WRN: variants seen among roughly 807,000 people sequenced by gnomAD.
WRN encodes the protein WRN RecQ like helicase.
Under a neutral mutation model 180.7 loss-of-function variants are expected in WRN, and 149 were observed. That is an observed-to-expected ratio of 0.82 (90% CI 0.72 to 0.94). The LOEUF is 0.94. Among genes scored for constraint, WRN ranks in the 40% least tolerant of loss-of-function variants. The pLI is 0.00. For synonymous variants in WRN, 548 were observed against 568.9 expected, an observed-to-expected ratio of 0.96 and a Z score of 0.52; for missense variants, 1,661 against 1,700.1, an observed-to-expected ratio of 0.98 and a Z score of 0.40.
intron 30 of WRN, among the ~76,000 whole-genome samples, 174 bp from the exon 31 acceptor site, chr8:31,150,167 A>C (rs954840090): frequency 6.6e-6 from 1 of 152,240 alleles, no homozygotes; most frequent in African/African-American, 2.4e-5. Flanking sequence ...AAAGCAAAGA[A>C]AGAAATTATA....
At chr8:31,056,505 A>T (rs1812280064) in intron 1 of WRN, among the ~76,000 whole-genome samples, 1 of 152,196 alleles carries the variant, frequency 6.6e-6, no homozygotes. Flanking sequence ...CCAAGAGTTG[A>T]GTTGTACCCA....
intron 16 of WRN, among the ~76,000 whole-genome samples, chr8:31,094,992 TGCTGG>T (rs1402851997): frequency 2.0e-5 from 3 of 152,182 alleles, no homozygotes; most frequent in African/African-American, 7.2e-5. Flanking sequence ...AGAGTGGAAT[TGCTGG>T]GCTATATGCT....
intron 10 of WRN, among the ~76,000 whole-genome samples, chr8:31,084,775 T>A (rs1813459042): frequency 6.6e-6 from 1 of 152,220 alleles, no homozygotes; most frequent in African/African-American, 2.4e-5. Context: ...AATCAGTGGA[T>A]GTCAAAAACA....
In WRN at chr8:31,114,893, G is replaced by GATTTTTTTTTTTTTTTTTTTTT; in HGVS notation, c.2274-1461_2274-1460insATTTTTTTTTTTTTTTTTTTTT. Reference sequence around the variant, plus strand: ...CTTTGAAAACATGTTTTTAAAATAAGGTTTTTTTTTTTTTTTTTTTGACAT... The same window carrying GATTTTTTTTTTTTTTTTTTTTT: ...CTTTGAAAACATGTTTTTAAAATAAGATTTTTTTTTTTTTTTTTTTTTGTTTTTTTTTTTTTTTTTTTGACAT... On this transcript the variant is annotated intron_variant, in intron 19 of 34. Coordinates refer to ENST00000298139, the MANE Select transcript of WRN (RefSeq NM_000553.6). Among the ~76,000 whole-genome samples the GATTTTTTTTTTTTTTTTTTTTT allele has an allele frequency of 1.5e-5, 2 of 136,174 alleles. 1 individual carries two copies. Among genetic ancestry groups the GATTTTTTTTTTTTTTTTTTTTT allele is most frequent in the Non-Finnish European group, 3.2e-5 (2 of 63,470 alleles). 89.3% of individuals were successfully genotyped at this position (136,174 alleles called of 152,430 possible).
At chr8:31,076,950 T>TTA (rs1813116771) in intron 8 of WRN, among the ~76,000 whole-genome samples, 1 of 152,202 alleles carries the variant, frequency 6.6e-6, no homozygotes, top group East Asian at 1.9e-4. Flanking sequence ...GATGACTTCC[T>TTA]TATTAAATCT....
chr8:31,067,825 A>G lies in WRN; in HGVS notation c.655-433A>G, dbSNP rs114170814. On this transcript the variant is annotated intron_variant, in intron 6 of 34. Transcript: ENST00000298139. ...ATTTTATTGTTTCTCCTTTGCATCT[A>G]TCAAAGGAATGGAAACTCCTTTGAA... 7.3e-3 allele frequency among the ~76,000 whole-genome samples: 1,115 copies of G among 152,218 alleles called. 16 individuals carry two copies. The highest frequency in any genetic ancestry group is 0.026 in the African/African-American group (1,075 of 41,526).
At chr8:31,154,424 T>C (rs1307770435) in intron 31 of WRN, among the ~76,000 whole-genome samples, 200 bp from the exon 32 acceptor site, 1 of 152,184 alleles carries the variant, frequency 6.6e-6, no homozygotes, top group Admixed American at 6.5e-5. Context: ...TAAAATTTTG[T>C]GTGCTCTAGC....
intron 3 of WRN, among the ~76,000 whole-genome samples, chr8:31,063,476 A>G (rs1812572635): frequency 6.6e-6 from 1 of 152,242 alleles, no homozygotes; most frequent in Non-Finnish European, 1.5e-5. Context: ...ATTTGTGACA[A>G]AACTTGCCAG....
At chr8:31,129,137 C>A (rs150136458) in intron 23 of WRN, among the ~76,000 whole-genome samples, 56 of 152,246 alleles carry the variant, frequency 3.7e-4, no homozygotes, top group African/African-American at 1.3e-3. Flanking sequence ...CTACCAGACC[C>A]AGTTAATTAA....
At chr8:31,111,212 G>A (rs1469388996) in intron 18 of WRN, among the ~76,000 whole-genome samples, 1 of 151,952 alleles carries the variant, frequency 6.6e-6, no homozygotes, top group African/African-American at 2.4e-5. Flanking sequence ...TGAATTGAGA[G>A]TTTATCATTT....
At chr8:31,070,714 G>T (rs1486728250) in intron 7 of WRN, among the ~76,000 whole-genome samples, 1 of 151,698 alleles carries the variant, frequency 6.6e-6, no homozygotes, top group African/African-American at 2.4e-5. Flanking sequence ...ATTTCCTGGA[G>T]AAAGTGCAGG....
In WRN at chr8:31,174,346, G is replaced by C. The variant is rs1804203374; in HGVS notation, c.*1244G>C. Among the ~76,000 whole-genome samples the C allele has an allele frequency of 6.6e-6, 1 of 152,200 alleles. No individual in the cohort carries two copies. The highest frequency in any genetic ancestry group is 1.5e-5 in the Non-Finnish European group (1 of 68,048). ...CGTCTGCTGCATGCCTAGGTACGAG[G>C]CTGTCTCCAGGAGAAGCACTTGTTT... is the stretch of plus-strand genomic sequence containing the variant. On this transcript the variant is annotated 3_prime_UTR_variant, in exon 35 of 35. Coordinates refer to ENST00000298139, the MANE Select transcript of WRN (RefSeq NM_000553.6).
intron 7 of WRN, among the ~76,000 whole-genome samples, chr8:31,069,047 A>G (rs866470115): frequency 2.6e-5 from 4 of 152,266 alleles, no homozygotes; most frequent in South Asian, 2.1e-4. Context: ...TTACCGTTTT[A>G]TAGAATAATT....
Position 31,111,673 on chromosome 8 carries a change from G to T in WRN, c.2147G>T (p.Arg716Leu). ...TCTTCAATCCGGGAAGACATTGTAC[G>T]TTGCTTAAATCTGAGAAATCCTCAG... ...ASSSIREDIV[R>L]CLNLRNPQIT... The change falls in exon 19 of 35, where the codon CGT becomes CTT. Residue 716 changes from arginine to leucine, a missense_variant. By Grantham distance (102) the Arg-to-Leu change is moderately radical. Coordinates refer to ENST00000298139, the MANE Select transcript of WRN (RefSeq NM_000553.6). 1 of 1,614,048 alleles carries T rather than the reference G, an allele frequency of 6.2e-7. No homozygotes were observed. Among genetic ancestry groups the T allele is most frequent in the South Asian group, 1.1e-5 (1 of 91,086 alleles).
At chr8:31,094,068 TG>T (rs1229921579) in intron 16 of WRN, among the ~76,000 whole-genome samples, 9 of 152,238 alleles carry the variant, frequency 5.9e-5, no homozygotes, top group Admixed American at 2.0e-4. Flanking sequence ...AACATTCGTA[TG>T]TAAGTCTTTG....
chr8:31,062,599 G>A (rs1343080485), intron 3 of WRN, among the ~76,000 whole-genome samples: 3 of 151,732 alleles, frequency 2.0e-5, no homozygotes, highest in Non-Finnish European at 4.4e-5. Flanking sequence ...TTTTTATAGA[G>A]ATGGGGTTTT....
At chr8:31,079,856 A>G (rs1461107421) in intron 8 of WRN, among the ~76,000 whole-genome samples, 1 of 152,132 alleles carries the variant, frequency 6.6e-6, no homozygotes, top group Non-Finnish European at 1.5e-5. Flanking sequence ...AAATTAGGCA[A>G]AACGGTATCA....
chr8:31,149,838 C>T (rs937000905), intron 30 of WRN, among the ~76,000 whole-genome samples: 11 of 152,012 alleles, frequency 7.2e-5, no homozygotes, highest in South Asian at 4.2e-4. Flanking sequence ...AGGAGGGCAT[C>T]GAATGGGTTC....
chr8:31,044,481 T>C (rs1489738011), intron 1 of WRN, among the ~76,000 whole-genome samples: 2 of 149,548 alleles, frequency 1.3e-5, no homozygotes, highest in South Asian at 2.1e-4. Flanking sequence ...CTCAGCCTCC[T>C]GAGTAGCTGG....
Sources: allele counts gnomAD v4.1 joint callset (sites outside exome capture counted in the v4.1 genomes callset), GRCh38; gene constraint gnomAD v4.1.1; transcripts MANE v1.5; gene names NCBI Gene and HGNC (gene_info 2026-07-23, HGNC 2026-07-21).